XKR9: variants seen among roughly 807,000 people sequenced by gnomAD.
The protein encoded by XKR9 is XK related 9.
Under a neutral mutation model 32.0 loss-of-function variants are expected in XKR9, and 32 were observed. The ratio of observed to expected loss-of-function variants is 1.00; its 90% CI spans 0.76 to 1.34. The LOEUF (loss-of-function observed/expected upper bound fraction) is 1.34, where lower values mean the gene tolerates loss of function less well. Ranked by LOEUF, XKR9 falls within the 40% of genes most tolerant of loss-of-function variation. The pLI is 0.00. For synonymous variants in XKR9, 168 were observed against 143.4 expected, an observed-to-expected ratio of 1.17 and a Z score of -1.22; for missense variants, 546 against 429.7, an observed-to-expected ratio of 1.27 and a Z score of -2.39.
chr8:70,972,583 A>G, the XKR9 span, among the ~76,000 whole-genome samples: 9 of 152,088 alleles, frequency 5.9e-5, no homozygotes, highest in Non-Finnish European at 1.3e-4. Context: ...TCTGTTCAGT[A>G]TAGTGTTGGC....
chr8:70,731,902 A>G (rs1347660429), intron 4 of XKR9, among the ~76,000 whole-genome samples: 3 of 152,204 alleles, frequency 2.0e-5, no homozygotes, highest in Admixed American at 6.5e-5. Context: ...GGCCTTCCAA[A>G]TCAGATTCCT....
At chr8:70,964,462 T>G in the XKR9 span, among the ~76,000 whole-genome samples, 4 of 152,218 alleles carry the variant, frequency 2.6e-5, no homozygotes, top group Non-Finnish European at 5.9e-5. Context: ...CTATTTTGGT[T>G]CTATATGAAT....
chr8:70,697,025 A>G (rs968599335), intron 3 of XKR9, among the ~76,000 whole-genome samples: 14 of 151,914 alleles, frequency 9.2e-5, no homozygotes, highest in African/African-American at 1.2e-4. Flanking sequence ...ATTTTTGTAC[A>G]TTGATTTTGT....
the XKR9 span, among the ~76,000 whole-genome samples, chr8:70,924,847 T>C: frequency 6.6e-6 from 1 of 152,204 alleles, no homozygotes; most frequent in Non-Finnish European, 1.5e-5. Flanking sequence ...CCAAATAAGA[T>C]GCTGTCACAT....
At chr8:71,021,398 A>G in the XKR9 span, among the ~76,000 whole-genome samples, 1 of 151,318 alleles carries the variant, frequency 6.6e-6, no homozygotes, top group Non-Finnish European at 1.5e-5. Context: ...CAATTATTTC[A>G]GTTCCTTATA....
chr8:70,919,730 G>A, the XKR9 span, among the ~76,000 whole-genome samples: 2 of 152,134 alleles, frequency 1.3e-5, no homozygotes, highest in Non-Finnish European at 2.9e-5. Context: ...TGGGCCACCT[G>A]CCTGCTCCAT....
At chr8:70,833,556 A>T in the XKR9 span, among the ~76,000 whole-genome samples, 1 of 152,086 alleles carries the variant, frequency 6.6e-6, no homozygotes, top group Non-Finnish European at 1.5e-5. Flanking sequence ...TAGAAGCTAT[A>T]CCTCCACTGC....
intron 3 of XKR9, among the ~76,000 whole-genome samples, chr8:70,696,682 A>C (rs1278688857): frequency 7.0e-6 from 1 of 142,446 alleles, no homozygotes; most frequent in African/African-American, 2.5e-5. Context: ...TCTTGTTTCC[A>C]TATGAACTTT....
At chr8:70,736,154 T>C (rs1325654273), downstream of XKR9, among the ~76,000 whole-genome samples, 2 of 151,854 alleles carry the variant, frequency 1.3e-5, no homozygotes, top group Non-Finnish European at 3.0e-5. Context: ...ATGATTGCCA[T>C]TCTAACTGGT....
intron 4 of XKR9, among the ~76,000 whole-genome samples, chr8:70,708,210 A>T (rs1805787963): frequency 6.6e-6 from 1 of 152,012 alleles, no homozygotes; most frequent in Non-Finnish European, 1.5e-5. Flanking sequence ...GTTCTATATG[A>T]TACGGAACCC....
chr8:70,774,376 C>T (rs968494938), intron 2 of XKR9, among the ~76,000 whole-genome samples: 1 of 152,050 alleles, frequency 6.6e-6, no homozygotes, highest in Non-Finnish European at 1.5e-5. Flanking sequence ...TTCAAGCAAT[C>T]CTCCCATCCA....
the XKR9 span, among the ~76,000 whole-genome samples, chr8:70,917,962 A>G: frequency 3.3e-5 from 5 of 152,198 alleles, no homozygotes; most frequent in African/African-American, 9.7e-5. Flanking sequence ...GATCATAAGT[A>G]CTCTTAAGTG....
rs1269453725 is a variant in XKR9, at chr8:70,711,417, A to G, written c.493+4264A>G. 9.2e-5 allele frequency among the ~76,000 whole-genome samples: 14 copies of G among 152,366 alleles called. No homozygotes were observed. In the East Asian group the frequency reaches 1.9e-3, roughly 21 times the overall value. On this transcript the variant is annotated intron_variant, in intron 4 of 4. Coordinates refer to ENST00000408926, the MANE Select transcript of XKR9 (RefSeq NM_001011720.2). Reference sequence around the variant, plus strand: ...GAATTGGATAAAGAAAATGTGGTACATATATACCATGGAATACTACAAAGC... The same window carrying G: ...GAATTGGATAAAGAAAATGTGGTACGTATATACCATGGAATACTACAAAGC...
At chr8:70,918,773 T>TTTTTTG in the XKR9 span, among the ~76,000 whole-genome samples, 1 of 105,366 alleles carries the variant, frequency 9.5e-6, no homozygotes, top group Non-Finnish European at 2.1e-5. Flanking sequence ...GGATCCTTTT[T>TTTTTTG]TTTTTTTTTT....
the XKR9 span, among the ~76,000 whole-genome samples, chr8:70,951,899 C>T: frequency 1.3e-5 from 2 of 152,048 alleles, no homozygotes; most frequent in African/African-American, 4.8e-5. Flanking sequence ...GTAGGACCCC[C>T]CCAGTGCCCA....
At chr8:70,698,509 T>G (rs1805379750) in intron 3 of XKR9, among the ~76,000 whole-genome samples, 1 of 152,224 alleles carries the variant, frequency 6.6e-6, no homozygotes, top group African/African-American at 2.4e-5. Flanking sequence ...GTGAGTTTCT[T>G]AATCCTGAGT....
the XKR9 span, among the ~76,000 whole-genome samples, chr8:70,964,764 G>A: frequency 6.6e-6 from 1 of 152,076 alleles, no homozygotes; most frequent in Non-Finnish European, 1.5e-5. Flanking sequence ...TGTTTTTGGT[G>A]TAGAGGGATG....
At chr8:71,064,565 T>C in the XKR9 span, among the ~76,000 whole-genome samples, 2 of 152,232 alleles carry the variant, frequency 1.3e-5, no homozygotes, top group Admixed American at 1.3e-4. Flanking sequence ...GAATCTGCAT[T>C]AGTTTTTTCT....
intron 4 of XKR9, among the ~76,000 whole-genome samples, chr8:70,714,499 A>G (rs927391613): frequency 6.6e-6 from 1 of 152,040 alleles, no homozygotes; most frequent in African/African-American, 2.4e-5. Context: ...CATAGAATAG[A>G]AAAAATAATT....
Sources: allele counts gnomAD v4.1 joint callset (sites outside exome capture counted in the v4.1 genomes callset), GRCh38; gene constraint gnomAD v4.1.1; transcripts MANE v1.5; gene names NCBI Gene and HGNC (gene_info 2026-07-23, HGNC 2026-07-21).